The following RCSD1 variants were observed in gnomAD, a reference collection of about 807,000 sequenced individuals.
RCSD1 encodes capZ-interacting protein.
RCSD1 carries 26 observed loss-of-function variants against 42.5 expected under a neutral mutation model. That is an observed-to-expected ratio of 0.61 (90% CI 0.45 to 0.85). The LOEUF is 0.85. RCSD1 is among the 40% of genes least tolerant of loss of function. RCSD1 has a pLI of 0.00. For synonymous variants in RCSD1, 220 were observed against 212.2 expected, an observed-to-expected ratio of 1.04 and a Z score of -0.32; for missense variants, 571 against 528.3, an observed-to-expected ratio of 1.08 and a Z score of -0.79.
chr1:167,644,489 ATACATAC>A (rs1245251542), intron 1 of RCSD1, among the ~76,000 whole-genome samples: 1 of 8,986 alleles, frequency 1.1e-4, no homozygotes, highest in Admixed American at 1.0e-3. Flanking sequence ...CAAAAAATAA[ATACATAC>A]ATACATACAT....
rs1659443164 is a variant in RCSD1, at chr1:167,694,198, AC to A, written c.375del (p.Ser126AlafsTer40). On this transcript the variant is annotated frameshift_variant, in exon 5 of 7. Coordinates refer to ENST00000367854, the MANE Select transcript of RCSD1 (RefSeq NM_052862.4). LOFTEE classifies it high-confidence loss of function. ...MVSPFHSPPS[T>X]PSSPGVRSRP... ...GTCGCCATTTCACAGCCCACCTTCTACCCCCAGCAGCCCTGGTGTGCGATCT... is the reference window on the plus strand; with the variant it reads ...GTCGCCATTTCACAGCCCACCTTCTACCCCAGCAGCCCTGGTGTGCGATCT... The A allele has an allele frequency of 6.2e-7, 1 of 1,614,012 alleles. No homozygotes were observed. Among genetic ancestry groups the A allele is most frequent in the Non-Finnish European group, 8.5e-7 (1 of 1,179,986 alleles).
At position 167,706,955 on chromosome 1, in the gene RCSD1, T is replaced by C. The variant is rs7521359; in HGVS notation, c.*2259T>C. ...AGGAAGACCTTGTTTCTTTCAGGCT[T>C]CCATAATGGGTTTGAAAGAAAACAC... On this transcript the variant is annotated 3_prime_UTR_variant, in exon 7 of 7. Coordinates refer to ENST00000367854, the MANE Select transcript of RCSD1 (RefSeq NM_052862.4). 0.03 allele frequency among the ~76,000 whole-genome samples: 4,580 copies of C among 152,288 alleles called. 243 individuals are homozygous for C. Among genetic ancestry groups the C allele is most frequent in the African/African-American group, 0.1 (4,335 of 41,546 alleles).
intron 5 of RCSD1, among the ~76,000 whole-genome samples, chr1:167,694,541 C>G (rs1205263366): frequency 6.6e-6 from 1 of 152,154 alleles, no homozygotes; most frequent in Non-Finnish European, 1.5e-5. Flanking sequence ...CCATTCAACC[C>G]CAAGACAAGC....
In RCSD1 at chr1:167,697,654, G is replaced by T. The variant is rs1318686249; in HGVS notation, c.1030G>T (p.Ala344Ser). 6.2e-7 allele frequency: 1 copy of T among 1,605,958 alleles called. No individual in the cohort carries two copies. The highest frequency in any genetic ancestry group is 8.5e-7 in the Non-Finnish European group (1 of 1,176,356). Residue 344 changes from alanine to serine, a missense_variant, in exon 6 of 7, where the codon GCA becomes TCA. By Grantham distance (99) the Ala-to-Ser change is moderately conservative (BLOSUM62 1). Transcript: ENST00000367854. Reference sequence around the variant, plus strand: ...AACAAAGAAGCTGGAGGAGGGAGCTGCAGTGAAGGAGACCCCCCACAGTCC... The same window carrying T: ...AACAAAGAAGCTGGAGGAGGGAGCTTCAGTGAAGGAGACCCCCCACAGTCC... ...QETKKLEEGA[A>S]VKETPHSPPG...
chr1:167,667,779 A>G (rs1440928528), intron 1 of RCSD1, among the ~76,000 whole-genome samples: 1 of 152,082 alleles, frequency 6.6e-6, no homozygotes, highest in Non-Finnish European at 1.5e-5. Context: ...ATTTGTTTCC[A>G]TTTTTGCTTC....
chr1:167,650,972 G>A lies in RCSD1; in HGVS notation c.6+20543G>A, dbSNP rs761075. ...ATTCGAGAGGCTAGAAATGTGAGACGGAGGTGTCAGCAGTGCTGGCTCCCT... is the reference window on the plus strand; with the variant it reads ...ATTCGAGAGGCTAGAAATGTGAGACAGAGGTGTCAGCAGTGCTGGCTCCCT... On this transcript the variant is annotated intron_variant, in intron 1 of 6. Coordinates refer to ENST00000367854, the MANE Select transcript of RCSD1 (RefSeq NM_052862.4). 7.7e-3 allele frequency among the ~76,000 whole-genome samples: 1,177 copies of A among 152,266 alleles called. 15 individuals carry two copies. The highest frequency in any genetic ancestry group is 0.024 in the African/African-American group (1,000 of 41,540).
In RCSD1 at chr1:167,637,135, G is replaced by A. The variant is rs190038133; in HGVS notation, c.6+6706G>A. 1.0e-3 allele frequency among the ~76,000 whole-genome samples: 154 copies of A among 152,270 alleles called. 3 individuals are homozygous for A. The highest frequency in any genetic ancestry group is 7.1e-3 in the Admixed American group (109 of 15,290). ...AATAATTTCTGAGTTGAATCTTGAGGGGTGAGTAAGAGTTAACCAAGGGCA... is the reference window on the plus strand; with the variant it reads ...AATAATTTCTGAGTTGAATCTTGAGAGGTGAGTAAGAGTTAACCAAGGGCA... On this transcript the variant is annotated intron_variant, in intron 1 of 6. Coordinates refer to ENST00000367854, the MANE Select transcript of RCSD1 (RefSeq NM_052862.4).
chr1:167,702,256 C>A (rs1179225546), intron 6 of RCSD1, among the ~76,000 whole-genome samples: 3 of 152,184 alleles, frequency 2.0e-5, no homozygotes. Context: ...TCCATAAGTG[C>A]GCCAAAGGCA....
chr1:167,674,399 C>T (rs1658890137), intron 1 of RCSD1, among the ~76,000 whole-genome samples: 1 of 152,226 alleles, frequency 6.6e-6, no homozygotes, highest in Non-Finnish European at 1.5e-5. Flanking sequence ...AATTTCCCTC[C>T]ATTGGCCCCT....
rs145190378 is a variant in RCSD1 at position 167,697,344 on chromosome 1, G to A, written c.720G>A (p.Arg240=). 1 of 1,613,922 alleles carries A rather than the reference G, an allele frequency of 6.2e-7. No individual in the cohort carries two copies. Among genetic ancestry groups the A allele is most frequent in the Non-Finnish European group, 8.5e-7 (1 of 1,179,972 alleles). ...GACCTGCTGAAAAGCCTCCTCTGAG[G>A]AGGTCACCCAGCAGGACAGAGAAGC... ...TLGPAEKPPL[R]RSPSRTEKQE... The change falls in exon 6 of 7, where the codon AGG becomes AGA. Residue 240 remains arginine (R), a synonymous_variant. Transcript: ENST00000367854.
intron 1 of RCSD1, among the ~76,000 whole-genome samples, chr1:167,666,969 T>C (rs1366718677): frequency 6.6e-6 from 1 of 152,262 alleles, no homozygotes; most frequent in Non-Finnish European, 1.5e-5. Flanking sequence ...TGGAGACCCC[T>C]GCAATAGAAC....
At chr1:167,702,694 G>A (rs138055974) in intron 6 of RCSD1, among the ~76,000 whole-genome samples, 2,542 of 152,262 alleles carry the variant, frequency 0.017, 41 homozygotes, top group Admixed American at 0.04. Context: ...CAGGAGAATC[G>A]CTTGAACCCA....
At chr1:167,690,574 C>T (rs934073925) in intron 4 of RCSD1, among the ~76,000 whole-genome samples, 4 of 151,948 alleles carry the variant, frequency 2.6e-5, no homozygotes, top group Admixed American at 6.6e-5. Flanking sequence ...CTCTGAAGAC[C>T]GAGGTGAGAG....
intron 1 of RCSD1, among the ~76,000 whole-genome samples, chr1:167,670,295 A>G (rs1658770943): frequency 6.7e-6 from 1 of 150,216 alleles, no homozygotes; most frequent in South Asian, 2.1e-4. Context: ...GAGTAAATCC[A>G]TCTAAATCAC....
chr1:167,696,064 C>T (rs763891018), intron 5 of RCSD1, among the ~76,000 whole-genome samples: 1 of 152,076 alleles, frequency 6.6e-6, no homozygotes, highest in Non-Finnish European at 1.5e-5. Flanking sequence ...TTCCCAGTAT[C>T]CGCCAACTTC....
Position 167,694,263 on chromosome 1 carries a change from C to A in RCSD1, c.435C>A (p.Asp145Glu). 1.2e-6 allele frequency: 2 copies of A among 1,614,178 alleles called. No individual in the cohort carries two copies. Among genetic ancestry groups the A allele is most frequent in the Non-Finnish European group, 1.7e-6 (2 of 1,180,034 alleles). ...SEAEEVPVSF[D>E]QPPEGSHLPC... ...CAGAGGAGGTGCCTGTCAGCTTCGACCAGCCCCCTGAAGGCAGTCATCTGC... is the reference window on the plus strand; with the variant it reads ...CAGAGGAGGTGCCTGTCAGCTTCGAACAGCCCCCTGAAGGCAGTCATCTGC... Residue 145 changes from aspartate (D) to glutamate (E), a missense_variant, in exon 5 of 7, where the codon GAC (aspartate) becomes GAA (glutamate). Physicochemically the swap from Asp to Glu is conservative, Grantham distance 45 (BLOSUM62 2). Coordinates refer to ENST00000367854, the MANE Select transcript of RCSD1 (RefSeq NM_052862.4).
At chr1:167,682,085 G>A (rs890402310) in intron 1 of RCSD1, among the ~76,000 whole-genome samples, 5 of 152,174 alleles carry the variant, frequency 3.3e-5, no homozygotes, top group Non-Finnish European at 5.9e-5. Context: ...CCACAGTAAA[G>A]GGGTACCTGT....
intron 1 of RCSD1, chr1:167,663,697 A>T (rs1177858205): frequency 6.6e-6 from 1 of 152,298 alleles, no homozygotes; most frequent in African/African-American, 2.4e-5. Context: ...ACTTGGCAAC[A>T]GCAGATCCCT....
In RCSD1 at chr1:167,697,647, G is replaced by T; in HGVS notation, c.1023G>T (p.Glu341Asp). 1 of 1,606,218 alleles carries T rather than the reference G, an allele frequency of 6.2e-7. No individual in the cohort carries two copies. The highest frequency in any genetic ancestry group is 8.5e-7 in the Non-Finnish European group (1 of 1,176,424). Residue 341 changes from glutamate (E) to aspartate (D), a missense_variant, in exon 6 of 7, where the codon GAG becomes GAT. By Grantham distance (45) the Glu-to-Asp change is conservative. Coordinates refer to ENST00000367854, the MANE Select transcript of RCSD1 (RefSeq NM_052862.4). ...GCCAAGAAACAAAGAAGCTGGAGGAGGGAGCTGCAGTGAAGGAGACCCCCC... is the reference window on the plus strand; with the variant it reads ...GCCAAGAAACAAAGAAGCTGGAGGATGGAGCTGCAGTGAAGGAGACCCCCC... Reference protein sequence around the residue: ...HDSQETKKLEEGAAVKETPHS... With the variant: ...HDSQETKKLEDGAAVKETPHS...
Sources: allele counts gnomAD v4.1 joint callset (sites outside exome capture counted in the v4.1 genomes callset), GRCh38; gene constraint gnomAD v4.1.1; transcripts MANE v1.5; gene names NCBI Gene and HGNC (gene_info 2026-07-23, HGNC 2026-07-21).